Variants in PTAR1 observed in about 807,000 individuals in gnomAD.
The protein encoded by PTAR1 is protein prenyltransferase alpha subunit repeat containing 1, also known as protein prenyltransferase alpha subunit repeat-containing protein 1.
Under a neutral mutation model 45.5 loss-of-function variants are expected in PTAR1, and 17 were observed. That is an observed-to-expected ratio of 0.37 (90% confidence interval 0.26 to 0.56). The LOEUF (loss-of-function observed/expected upper bound fraction) is 0.56, where lower values mean the gene tolerates loss of function less well. Ranked by LOEUF, PTAR1 falls within the 20% of genes least tolerant of loss-of-function variation. The pLI is 0.77. For missense variants in PTAR1, 391 were observed against 476.3 expected (o/e 0.82, Z 1.67); for synonymous variants, 169 against 171.3 (o/e 0.99, Z 0.11).
rs995166716 is a variant in PTAR1 at position 69,711,564 on chromosome 9, T to C, written c.*6778A>G. On this transcript the variant is annotated 3_prime_UTR_variant, in exon 8 of 8. Coordinates refer to ENST00000340434, the MANE Select transcript of PTAR1 (RefSeq NM_001099666.2). ...CTTAAGACGCTAGAAACAAGTAAGA[T>C]TTAAGGAAAAATAAAAAGAACCTAA... is the stretch of plus-strand genomic sequence containing the variant. The C allele has an allele frequency of 1.3e-5, 2 of 152,078 alleles. No homozygotes were observed. Among genetic ancestry groups the C allele is most frequent in the Non-Finnish European group, 2.9e-5 (2 of 68,014 alleles). 9.4% of individuals were successfully genotyped at this position (152,078 alleles called of 1,614,324 possible).
At chr9:69,730,083 T>C (rs1825465184) in intron 5 of PTAR1, among the ~76,000 whole-genome samples, 1 of 152,278 alleles carries the variant, frequency 6.6e-6, no homozygotes, top group East Asian at 1.9e-4. Flanking sequence ...TAGTAAATGT[T>C]CTAGGTGGGC....
At chr9:69,729,272 A>G (rs1441463913) in intron 5 of PTAR1, among the ~76,000 whole-genome samples, 1 of 152,166 alleles carries the variant, frequency 6.6e-6, no homozygotes, top group Non-Finnish European at 1.5e-5. Flanking sequence ...GTGAGCTGAG[A>G]TTGTGCCACT....
chr9:69,738,935 G>A (rs762695835), intron 3 of PTAR1, among the ~76,000 whole-genome samples: 2 of 151,748 alleles, frequency 1.3e-5, no homozygotes, highest in African/African-American at 2.4e-5. Context: ...AGCCTCCAGA[G>A]TGGCTGGGAC....
At chr9:69,756,426 G>A (rs1826779863) in intron 1 of PTAR1, among the ~76,000 whole-genome samples, 2 of 152,150 alleles carry the variant, frequency 1.3e-5, no homozygotes. Flanking sequence ...GGGACCATGT[G>A]TGGTTTGTTC....
At chr9:69,733,068 A>T (rs1825615767) in intron 4 of PTAR1, among the ~76,000 whole-genome samples, 1 of 150,970 alleles carries the variant, frequency 6.6e-6, no homozygotes, top group Non-Finnish European at 1.5e-5. Context: ...ACCCAAAGGT[A>T]CAGGAAATTA....
chr9:69,718,135 G>T lies in PTAR1; in HGVS notation c.*207C>A, dbSNP rs1325939702. On this transcript the variant is annotated 3_prime_UTR_variant, in exon 8 of 8. Transcript: ENST00000340434. Reference sequence around the variant, plus strand: ...AAATTTAAGACTCGCTGTTCAGCAGGAAGGAACTATACGATTATTTTATCC... The same window carrying T: ...AAATTTAAGACTCGCTGTTCAGCAGTAAGGAACTATACGATTATTTTATCC... 4 of 473,616 alleles carry T rather than the reference G, an allele frequency of 8.4e-6. No individual in the cohort carries two copies. The highest frequency in any genetic ancestry group is 1.1e-5 in the Non-Finnish European group (3 of 267,296). 29.3% of individuals were successfully genotyped at this position (473,616 alleles called of 1,614,324 possible). A position where few individuals can be genotyped will look rare whatever the true frequency, so the allele number is the denominator to read the frequency against.
chr9:69,737,187 C>A (rs1392827045), intron 3 of PTAR1, among the ~76,000 whole-genome samples: 1 of 151,946 alleles, frequency 6.6e-6, no homozygotes, highest in African/African-American at 2.4e-5. Flanking sequence ...TCAAGTGATC[C>A]TCCTGCCTCA....
chr9:69,751,827 G>C lies in PTAR1; in HGVS notation c.87-877C>G, dbSNP rs201904969. ...TTTCAGAATTCAATAATTTTCCTCT[G>C]TGGTAGCATCTATATCCCTCAATCC... On this transcript the variant is annotated intron_variant, in intron 1 of 7. Transcript: ENST00000340434. Among the ~76,000 whole-genome samples the C allele has an allele frequency of 1.3e-4, 20 of 152,080 alleles. No homozygotes were observed. The East Asian group carries it at 3.5e-3, about 26-fold the overall frequency.
At position 69,717,691 on chromosome 9, in the gene PTAR1, T is replaced by C. The variant is rs914964187; in HGVS notation, c.*651A>G. 6 of 152,180 alleles carry C rather than the reference T, an allele frequency of 3.9e-5. No individual in the cohort carries two copies. The highest frequency in any genetic ancestry group is 1.9e-4 in the East Asian group (1 of 5,188). The allele number at this position is 152,180 out of a possible 1,614,324, so 9.4% of individuals were successfully genotyped here. A position where few individuals can be genotyped will look rare whatever the true frequency, so the allele number is the denominator to read the frequency against. On this transcript the variant is annotated 3_prime_UTR_variant, in exon 8 of 8. Coordinates refer to ENST00000340434, the MANE Select transcript of PTAR1 (RefSeq NM_001099666.2). Reference sequence around the variant, plus strand: ...CGGCATTCATACCAACATTCTTCAGTTGAACTGCAACATAAATGTTTATTT... The same window carrying C: ...CGGCATTCATACCAACATTCTTCAGCTGAACTGCAACATAAATGTTTATTT...
At chr9:69,739,450 T>C (rs1825941077) in intron 3 of PTAR1, among the ~76,000 whole-genome samples, 1 of 151,964 alleles carries the variant, frequency 6.6e-6, no homozygotes, top group East Asian at 1.9e-4. Flanking sequence ...AATTCTAAAT[T>C]ATGTGTATCA....
In PTAR1 at chr9:69,718,570, T is replaced by C. The variant is rs1475386068; in HGVS notation, c.983-2A>G. 6.2e-7 allele frequency: 1 copy of C among 1,613,534 alleles called. No homozygotes were observed. The highest frequency in any genetic ancestry group is 1.3e-5 in the African/African-American group (1 of 74,908). ...TTGCTTGAGACAGCTGGGAGCCTGC[T>C]GGGATAAGGTGCAAGTCACTCAAAG... On this transcript the variant is annotated splice_acceptor_variant, in intron 7 of 7. Transcript: ENST00000340434. LOFTEE classifies it high-confidence loss of function.
intron 4 of PTAR1, among the ~76,000 whole-genome samples, chr9:69,732,764 A>G (rs1293774157): frequency 6.6e-6 from 1 of 152,124 alleles, no homozygotes; most frequent in Non-Finnish European, 1.5e-5. Flanking sequence ...GTATATATGC[A>G]TGCCTCACCC....
intron 1 of PTAR1, among the ~76,000 whole-genome samples, chr9:69,754,406 G>A (rs939586349): frequency 6.6e-6 from 1 of 151,354 alleles, no homozygotes; most frequent in Non-Finnish European, 1.5e-5. Flanking sequence ...TATTTTTCTG[G>A]AAATTTAAGT....
chr9:69,737,711 A>G (rs1825854828), intron 3 of PTAR1, among the ~76,000 whole-genome samples: 1 of 152,228 alleles, frequency 6.6e-6, no homozygotes, highest in Non-Finnish European at 1.5e-5. Flanking sequence ...CCTCTGAGTC[A>G]AGAACCGTGT....
intron 6 of PTAR1, among the ~76,000 whole-genome samples, chr9:69,722,252 G>C (rs1466988142): frequency 6.6e-6 from 1 of 152,150 alleles, no homozygotes; most frequent in African/African-American, 2.4e-5. Flanking sequence ...CCTAGCACAG[G>C]CAAGTCTTTC....
At chr9:69,723,252 T>G in intron 6 of PTAR1, 74 bp downstream of exon 6, 1 of 1,272,054 alleles carries the variant, frequency 7.9e-7, no homozygotes, top group Non-Finnish European at 1.1e-6. Context: ...AGGAATCAGG[T>G]GTAACTAACA....
At chr9:69,742,156 T>C (rs886070176) in intron 2 of PTAR1, among the ~76,000 whole-genome samples, 1 of 152,182 alleles carries the variant, frequency 6.6e-6, no homozygotes, top group African/African-American at 2.4e-5. Flanking sequence ...ACTAATTTAA[T>C]ATTTACCGAG....
intron 2 of PTAR1, among the ~76,000 whole-genome samples, chr9:69,743,488 C>T (rs1360697873): frequency 1.3e-5 from 2 of 151,884 alleles, no homozygotes; most frequent in East Asian, 3.9e-4. Flanking sequence ...TATTTGGGGC[C>T]CATGATTTCA....
At chr9:69,739,671 C>T (rs779054030) in intron 3 of PTAR1, among the ~76,000 whole-genome samples, 6 of 152,096 alleles carry the variant, frequency 3.9e-5, no homozygotes, top group African/African-American at 7.2e-5. Flanking sequence ...GTATTTGATA[C>T]GCAATAGAGA....
Sources: allele counts gnomAD v4.1 joint callset (sites outside exome capture counted in the v4.1 genomes callset), GRCh38; gene constraint gnomAD v4.1.1; transcripts MANE v1.5; gene names NCBI Gene and HGNC (gene_info 2026-07-23, HGNC 2026-07-21).